The following SOX5 variants were observed in gnomAD, a reference collection of about 807,000 sequenced individuals.
The protein encoded by SOX5 is SRY-box transcription factor 5, also known as transcription factor SOX-5.
A neutral mutation model predicts 92.0 loss-of-function variants in SOX5; 9 were observed. The observed-to-expected ratio is 0.10, with a 90% CI of 0.06 to 0.17. SOX5 has a LOEUF of 0.17. SOX5 is among the 10% of genes least tolerant of loss of function. The probability of loss-of-function intolerance (pLI) is 1.00; values close to 1 mark genes in which losing one functional copy is unlikely to be tolerated. For synonymous variants in SOX5, 344 were observed against 336.3 expected, an observed-to-expected ratio of 1.02 and a Z score of -0.25; for missense variants, 642 against 944.5, an observed-to-expected ratio of 0.68 and a Z score of 4.20.
intron 4 of SOX5, among the ~76,000 whole-genome samples, chr12:24,031,593 G>A (rs989347455): frequency 4.6e-5 from 7 of 151,634 alleles, no homozygotes; most frequent in African/African-American, 1.7e-4. Context: ...TTCCTGATTC[G>A]AATCCTATGT....
chr12:24,371,202 A>G (rs1956699563), intron 1 of SOX5, among the ~76,000 whole-genome samples: 1 of 152,230 alleles, frequency 6.6e-6, no homozygotes, highest in South Asian at 2.1e-4. Context: ...GAAAGTACAC[A>G]TGGCAAAGAA....
chr12:24,216,978 T>A (rs917061437), intron 3 of SOX5, among the ~76,000 whole-genome samples: 4 of 152,132 alleles, frequency 2.6e-5, no homozygotes, highest in African/African-American at 4.8e-5. Flanking sequence ...TCCAGGATAG[T>A]GAACATACTG....
chr12:24,537,178 C>T (rs1280526025), intron 1 of SOX5, among the ~76,000 whole-genome samples: 3 of 152,168 alleles, frequency 2.0e-5, no homozygotes, highest in Non-Finnish European at 4.4e-5. Context: ...ATTAAAGCTT[C>T]TTCAAAGTGA....
intron 10 of SOX5, among the ~76,000 whole-genome samples, chr12:23,563,983 A>G (rs1265000983): frequency 6.6e-6 from 1 of 152,208 alleles, no homozygotes; most frequent in Non-Finnish European, 1.5e-5. Flanking sequence ...GTGGTTTGCT[A>G]TTGATGCAAA....
chr12:24,172,513 T>G (rs755316728), intron 4 of SOX5, among the ~76,000 whole-genome samples: 1 of 151,876 alleles, frequency 6.6e-6, no homozygotes, highest in Non-Finnish European at 1.5e-5. Context: ...CACTCCAGCC[T>G]GGGTGACAGA....
intron 1 of SOX5, among the ~76,000 whole-genome samples, chr12:24,424,811 G>GGT (rs1555286280): frequency 2.7e-5 from 4 of 149,320 alleles, no homozygotes; most frequent in Admixed American, 1.3e-4. Flanking sequence ...TTTTTTTTGG[G>GGT]GGGGGGGGAT....
intron 3 of SOX5, among the ~76,000 whole-genome samples, chr12:23,833,541 C>T (rs760217325): frequency 1.3e-5 from 2 of 151,904 alleles, no homozygotes; most frequent in Non-Finnish European, 2.9e-5. Context: ...GGTAACGTTA[C>T]CATATCTTCT....
chr12:24,227,010 G>A (rs1031676974), intron 3 of SOX5, among the ~76,000 whole-genome samples: 4 of 152,146 alleles, frequency 2.6e-5, no homozygotes, highest in African/African-American at 4.8e-5. Flanking sequence ...CCTACTCTTC[G>A]GAAAATGAGA....
intron 4 of SOX5, among the ~76,000 whole-genome samples, chr12:23,999,507 CT>C (rs1951389654): frequency 6.6e-6 from 1 of 152,074 alleles, no homozygotes; most frequent in Admixed American, 6.6e-5. Flanking sequence ...TGTTAACTAG[CT>C]GGATTGTGGT....
chr12:24,280,569 A>AT (rs1945048590), intron 2 of SOX5, among the ~76,000 whole-genome samples: 1 of 152,220 alleles, frequency 6.6e-6, no homozygotes, highest in African/African-American at 2.4e-5. Context: ...GTTCACTAAC[A>AT]TACCAAAGCA....
chr12:23,573,181 GA>G (rs1218545942), intron 10 of SOX5, among the ~76,000 whole-genome samples: 1 of 151,984 alleles, frequency 6.6e-6, no homozygotes, highest in African/African-American at 2.4e-5. Context: ...CTCCCCCCTT[GA>G]AGAGTAATAT....
intron 1 of SOX5, among the ~76,000 whole-genome samples, chr12:24,487,707 G>A (rs958104523): frequency 1.3e-5 from 2 of 152,162 alleles, no homozygotes; most frequent in African/African-American, 4.8e-5. Context: ...TTTCTCCCAA[G>A]AAAAGACAGT....
At chr12:24,325,166 C>A (rs1177371959) in intron 2 of SOX5, among the ~76,000 whole-genome samples, 27 of 150,754 alleles carry the variant, frequency 1.8e-4, no homozygotes, top group Admixed American at 1.5e-3. Context: ...AAAAAAAAAA[C>A]CCTAAAAAAG....
intron 4 of SOX5, among the ~76,000 whole-genome samples, chr12:24,037,107 T>G (rs573734898): frequency 6.6e-6 from 1 of 152,282 alleles, no homozygotes; most frequent in South Asian, 2.1e-4. Flanking sequence ...ACAGGCACTC[T>G]TCATCAGTTA....
chr12:24,096,640 C>G (rs911220005), intron 4 of SOX5, among the ~76,000 whole-genome samples: 2 of 152,190 alleles, frequency 1.3e-5, no homozygotes, highest in Non-Finnish European at 2.9e-5. Flanking sequence ...ATTCCCTTCT[C>G]TTTATGGCTG....
intron 1 of SOX5, among the ~76,000 whole-genome samples, chr12:24,499,900 T>C (rs1566317720): frequency 6.6e-6 from 1 of 152,178 alleles, no homozygotes; most frequent in Non-Finnish European, 1.5e-5. Context: ...GTTTCTCTAA[T>C]ATCTGTTCAA....
intron 4 of SOX5, among the ~76,000 whole-genome samples, chr12:24,117,881 G>A (rs1289823606): frequency 7.2e-5 from 11 of 151,768 alleles, no homozygotes; most frequent in Admixed American, 3.9e-4. Flanking sequence ...TTAGCTGGGC[G>A]TGATGGCGGG....
At chr12:23,788,934 C>T (rs11047097) in intron 3 of SOX5, among the ~76,000 whole-genome samples, 4 of 151,672 alleles carry the variant, frequency 2.6e-5, no homozygotes, top group Admixed American at 6.6e-5. Flanking sequence ...AAACCTAATA[C>T]AAGATAAAAA....
intron 4 of SOX5, among the ~76,000 whole-genome samples, chr12:23,989,218 C>CAAAAAAAA (rs554892984): frequency 6.4e-3 from 665 of 103,934 alleles, no homozygotes; most frequent in East Asian, 0.021. Context: ...GCCAAAAATA[C>CAAAAAAAA]AAAAAAAAAA....
Sources: allele counts gnomAD v4.1 joint callset (sites outside exome capture counted in the v4.1 genomes callset), GRCh38; gene constraint gnomAD v4.1.1; transcripts MANE v1.5; gene names NCBI Gene and HGNC (gene_info 2026-07-23, HGNC 2026-07-21).